Variants in AMOTL1 observed in about 807,000 individuals in gnomAD.
AMOTL1 encodes angiomotin like 1, also known as angiomotin-like protein 1.
AMOTL1 carries 45 observed loss-of-function variants against 102.9 expected under a neutral mutation model. That is an observed-to-expected ratio of 0.44 (90% confidence interval 0.34 to 0.56). The LOEUF (loss-of-function observed/expected upper bound fraction) is 0.56, where lower values mean the gene tolerates loss of function less well. Ranked by LOEUF, AMOTL1 falls within the 20% of genes least tolerant of loss-of-function variation. AMOTL1 has a pLI of 0.01. For missense variants in AMOTL1, 1,114 were observed against 1,225.6 expected (o/e 0.91, Z 1.36); for synonymous variants, 481 against 484.7 (o/e 0.99, Z 0.10).
chr11:94,779,173 G>A (rs535639035), intron 1 of AMOTL1, among the ~76,000 whole-genome samples: 12 of 152,234 alleles, frequency 7.9e-5, no homozygotes, highest in East Asian at 5.8e-4. Context: ...TATGAAAAAC[G>A]TAGCCCACAA....
chr11:94,863,664 C>T (rs185325104), intron 9 of AMOTL1, among the ~76,000 whole-genome samples: 101 of 152,298 alleles, frequency 6.6e-4, no homozygotes, highest in Admixed American at 2.8e-3. Flanking sequence ...TACTTGGCTA[C>T]ATCATGTCTT....
In AMOTL1 at chr11:94,750,491, C is replaced by A. The variant is rs80080376; in HGVS notation, c.136+9503C>A. Among the ~76,000 whole-genome samples the A allele has an allele frequency of 4.5e-3, 678 of 152,180 alleles. 5 individuals carry two copies. The highest frequency in any genetic ancestry group is 0.016 in the African/African-American group (656 of 41,506). On this transcript the variant is annotated intron_variant, in intron 3 of 4. Coordinates refer to the AMOTL1 transcript ENST00000299004. ...TCTCCTGTGCACTCTCTGAGTGGGC[C>A]CAGGTCCTCCTGATTGCGACACAAG...
intron 6 of AMOTL1, among the ~76,000 whole-genome samples, chr11:94,841,084 C>T (rs796712738): frequency 2.5e-4 from 38 of 152,188 alleles, no homozygotes; most frequent in African/African-American, 7.9e-4. Flanking sequence ...GGAGCCAAAT[C>T]GTCCAGGAGG....
chr11:94,813,958 A>T (rs1373055994), intron 3 of AMOTL1, among the ~76,000 whole-genome samples: 9 of 152,216 alleles, frequency 5.9e-5, no homozygotes, highest in African/African-American at 2.2e-4. Flanking sequence ...ATTCCCTTTC[A>T]CACTTCACTT....
chr11:94,746,814 C>T (rs1031608613), intron 3 of AMOTL1, among the ~76,000 whole-genome samples: 5 of 152,136 alleles, frequency 3.3e-5, no homozygotes, highest in African/African-American at 9.7e-5. Context: ...TTTCAATGTG[C>T]AGCTAAGATT....
chr11:94,824,314 A>T (rs1202097423), intron 4 of AMOTL1, among the ~76,000 whole-genome samples: 1 of 152,204 alleles, frequency 6.6e-6, no homozygotes, highest in Non-Finnish European at 1.5e-5. Flanking sequence ...TTTTTTCCTC[A>T]TCAACATCAC....
At chr11:94,853,444 C>A (rs1282067797) in intron 7 of AMOTL1, among the ~76,000 whole-genome samples, 2 of 152,178 alleles carry the variant, frequency 1.3e-5, no homozygotes, top group African/African-American at 4.8e-5. Context: ...ATGATGGCTT[C>A]CAGCTTCATC....
At chr11:94,767,429 G>C (rs1168972723), upstream of AMOTL1, among the ~76,000 whole-genome samples, 1 of 152,156 alleles carries the variant, frequency 6.6e-6, no homozygotes, top group African/African-American at 2.4e-5. Flanking sequence ...ACAATCCAGG[G>C]AGGAGTCCCT....
Position 94,854,043 on chromosome 11 carries a change from T to A in AMOTL1, c.1905T>A (p.Thr635=). Residue 635 remains threonine (T), a synonymous_variant, in exon 8 of 13, where the codon ACT becomes ACA. Coordinates refer to ENST00000433060, the MANE Select transcript of AMOTL1 (RefSeq NM_130847.3). ...KREQMERRLR[T]WLERELDALR... The stretch of plus-strand genomic sequence containing the variant: ...AACAGATGGAGCGGAGACTGCGGAC[T>A]TGGCTGGAGAGAGAGCTGGATGCAC... 4 of 1,559,006 alleles carry A rather than the reference T, an allele frequency of 2.6e-6. No individual in the cohort carries two copies. In the African/African-American group the frequency reaches 4.1e-5, roughly 16 times the overall value.
In AMOTL1 at chr11:94,872,443, G is replaced by A. The variant is rs1953018010; in HGVS notation, c.*1648G>A. Reference sequence around the variant, plus strand: ...CCTTCTAAATGAAACACTCAAGAGAGTGCTACTCAGGAAACTTTGCTTGGA... The same window carrying A: ...CCTTCTAAATGAAACACTCAAGAGAATGCTACTCAGGAAACTTTGCTTGGA... On this transcript the variant is annotated 3_prime_UTR_variant, in exon 13 of 13. Coordinates refer to ENST00000433060, the MANE Select transcript of AMOTL1 (RefSeq NM_130847.3). The A allele has an allele frequency of 6.6e-6, 1 of 152,256 alleles. No individual in the cohort carries two copies. Among genetic ancestry groups the A allele is most frequent in the African/African-American group, 2.4e-5 (1 of 41,466 alleles). 9.4% of individuals were successfully genotyped at this position (152,256 alleles called of 1,614,324 possible). A position where few individuals can be genotyped will look rare whatever the true frequency, so the allele number is the denominator to read the frequency against.
chr11:94,816,737 T>G (rs1448229773), intron 3 of AMOTL1, among the ~76,000 whole-genome samples: 1 of 152,164 alleles, frequency 6.6e-6, no homozygotes, highest in East Asian at 1.9e-4. Context: ...TCCTCTTCAG[T>G]CTTAAACCCT....
chr11:94,715,832 G>C (rs1230867582), intron 1 of AMOTL1, among the ~76,000 whole-genome samples: 1 of 152,028 alleles, frequency 6.6e-6, no homozygotes, highest in East Asian at 1.9e-4. Flanking sequence ...ATGTGTCTTA[G>C]TGTGGATTTC....
At chr11:94,780,034 C>T (rs1951086131) in intron 1 of AMOTL1, among the ~76,000 whole-genome samples, 3 of 152,086 alleles carry the variant, frequency 2.0e-5, no homozygotes, top group Admixed American at 2.0e-4. Context: ...CAGATCACTG[C>T]AAAGAAGAGA....
intron 3 of AMOTL1, among the ~76,000 whole-genome samples, chr11:94,812,593 T>C (rs561518702): frequency 2.6e-5 from 4 of 152,292 alleles, no homozygotes; most frequent in Admixed American, 6.5e-5. Flanking sequence ...TGTGGGCAAA[T>C]TGTGAGGAAA....
At chr11:94,866,580 A>C (rs621647) in intron 11 of AMOTL1, 25,096 of 193,672 alleles carry the variant, frequency 0.13, 4,005 homozygotes, top group African/African-American at 0.44. Flanking sequence ...CCCCATGGGG[A>C]GTGGGAGGGA....
intron 6 of AMOTL1, among the ~76,000 whole-genome samples, chr11:94,848,928 ACACTGTTAAC>A (rs1952476126): frequency 1.3e-5 from 2 of 152,216 alleles, no homozygotes; most frequent in Non-Finnish European, 2.9e-5. Flanking sequence ...ATGAATGCAA[ACACTGTTAAC>A]CACTGGTTAA....
chr11:94,758,983 C>T (rs1950760380), intron 3 of AMOTL1, among the ~76,000 whole-genome samples: 1 of 152,178 alleles, frequency 6.6e-6, no homozygotes. Flanking sequence ...AAAAAAAACA[C>T]TCTGCCTCAT....
rs777790733 is a variant in AMOTL1, at chr11:94,773,099, A to G, written c.49+4539A>G. Among the ~76,000 whole-genome samples, 53 of 152,198 alleles carry G rather than the reference A, an allele frequency of 3.5e-4. 1 individual carries two copies. Among genetic ancestry groups the G allele is most frequent in the Non-Finnish European group, 1.5e-4 (10 of 68,044 alleles). ...CTTTAGAGCTTTAAGAGTTCTTTAT[A>G]TATTCTAGATGCAAGTCCTTAGTCA... On this transcript the variant is annotated intron_variant, in intron 1 of 12. Coordinates refer to ENST00000433060, the MANE Select transcript of AMOTL1 (RefSeq NM_130847.3).
At chr11:94,843,805 T>C (rs1025055159) in intron 6 of AMOTL1, among the ~76,000 whole-genome samples, 2 of 152,116 alleles carry the variant, frequency 1.3e-5, no homozygotes, top group African/African-American at 4.8e-5. Context: ...CCATTGGTGT[T>C]GATCAGCACT....
Sources: allele counts gnomAD v4.1 joint callset (sites outside exome capture counted in the v4.1 genomes callset), GRCh38; gene constraint gnomAD v4.1.1; transcripts MANE v1.5; gene names NCBI Gene and HGNC (gene_info 2026-07-23, HGNC 2026-07-21).